EPN2: variants seen among roughly 807,000 people sequenced by gnomAD.
EPN2 encodes epsin-2.
In EPN2, 34 loss-of-function variants were observed where a neutral mutation model predicts 61.7. That is an observed-to-expected ratio of 0.55 (90% confidence interval 0.42 to 0.73). The LOEUF (loss-of-function observed/expected upper bound fraction) is 0.73, where lower values mean the gene tolerates loss of function less well. Among genes scored for constraint, EPN2 ranks in the 30% least tolerant of loss-of-function variants. The pLI is 0.00. For missense variants in EPN2, 714 were observed against 839.2 expected (o/e 0.85, Z 1.84); for synonymous variants, 349 against 353.6 (o/e 0.99, Z 0.15).
At chr17:19,308,684 GCTC>G in intron 4 of EPN2, 1 of 985,382 alleles carries the variant, frequency 1.0e-6, no homozygotes, top group Non-Finnish European at 1.2e-6. Context: ...TAAAGCAGTA[GCTC>G]CAAATCTCTC....
intron 7 of EPN2, among the ~76,000 whole-genome samples, chr17:19,324,625 G>T (rs899775481): frequency 3.9e-5 from 6 of 152,166 alleles, no homozygotes; most frequent in African/African-American, 1.4e-4. Context: ...GAGCCACTGC[G>T]CCTGGCCAAT....
At chr17:19,244,195 T>G (rs934951441) in intron 1 of EPN2, among the ~76,000 whole-genome samples, 1 of 152,198 alleles carries the variant, frequency 6.6e-6, no homozygotes, top group Non-Finnish European at 1.5e-5. Flanking sequence ...GTGCAGTGGC[T>G]CATGCTTGTA....
intron 1 of EPN2, among the ~76,000 whole-genome samples, chr17:19,255,625 G>A (rs2045068901): frequency 7.0e-6 from 1 of 142,054 alleles, no homozygotes; most frequent in African/African-American, 2.6e-5. Context: ...TTGATAGATT[G>A]GATTGATTTT....
At chr17:19,266,853 A>G (rs942416762) in intron 1 of EPN2, among the ~76,000 whole-genome samples, 2 of 151,398 alleles carry the variant, frequency 1.3e-5, no homozygotes, top group African/African-American at 4.8e-5. Context: ...ATAAAAAGTA[A>G]TAGAATACTG....
At chr17:19,326,799 C>T (rs957596871) in intron 7 of EPN2, among the ~76,000 whole-genome samples, 28 of 151,582 alleles carry the variant, frequency 1.8e-4, no homozygotes, top group African/African-American at 6.5e-4. Flanking sequence ...TACCATGCTG[C>T]GAGGAGTGGA....
At chr17:19,252,405 C>T (rs552458014) in intron 1 of EPN2, among the ~76,000 whole-genome samples, 1 of 152,226 alleles carries the variant, frequency 6.6e-6, no homozygotes, top group South Asian at 2.1e-4. Context: ...TGAAACATTT[C>T]ATGATGGAGG....
intron 10 of EPN2, among the ~76,000 whole-genome samples, chr17:19,333,569 G>A (rs940614519): frequency 1.3e-5 from 2 of 152,170 alleles, no homozygotes; most frequent in East Asian, 3.9e-4. Context: ...ACTGCCACAT[G>A]AGCCACACAC....
intron 4 of EPN2, among the ~76,000 whole-genome samples, chr17:19,292,374 G>A (rs1408467335): frequency 6.6e-6 from 1 of 152,252 alleles, no homozygotes; most frequent in Non-Finnish European, 1.5e-5. Flanking sequence ...TTTTGGGGAT[G>A]GACCAGGAAT....
chr17:19,250,969 C>T (rs2045009428), intron 1 of EPN2, among the ~76,000 whole-genome samples: 1 of 152,112 alleles, frequency 6.6e-6, no homozygotes, highest in East Asian at 1.9e-4. Context: ...CTACATTCTG[C>T]AGCATCTCTG....
intron 4 of EPN2, among the ~76,000 whole-genome samples, chr17:19,293,011 C>T (rs2045479677): frequency 6.6e-6 from 1 of 152,204 alleles, no homozygotes; most frequent in Non-Finnish European, 1.5e-5. Context: ...ATACGGTGTA[C>T]ACCTATTACA....
chr17:19,335,407 A>G lies in EPN2; in HGVS notation c.*1153A>G. The G allele has an allele frequency of 6.5e-7, 1 of 1,550,084 alleles. No individual in the cohort carries two copies. Among genetic ancestry groups the G allele is most frequent in the Non-Finnish European group, 8.7e-7 (1 of 1,146,680 alleles). ...CTAATTCCTTTTTTTTATTAAAGGC[A>G]TGCAGGGATTAACAGGACTTCTGTT... is the stretch of plus-strand genomic sequence containing the variant. On this transcript the variant is annotated 3_prime_UTR_variant, in exon 11 of 11. Transcript: ENST00000314728.
At chr17:19,308,354 A>G (rs768012388) in intron 4 of EPN2, 81 of 984,860 alleles carry the variant, frequency 8.2e-5, no homozygotes, top group Non-Finnish European at 9.5e-5. Context: ...GATTACAGGC[A>G]TAAGCCGCCA....
At chr17:19,287,134 G>T (rs1402059002) in intron 4 of EPN2, among the ~76,000 whole-genome samples, 1 of 151,948 alleles carries the variant, frequency 6.6e-6, no homozygotes, top group East Asian at 1.9e-4. Context: ...AGCCTGGCAG[G>T]CCTGCAGGCT....
At chr17:19,270,375 G>T (rs971395019) in intron 1 of EPN2, among the ~76,000 whole-genome samples, 5 of 152,222 alleles carry the variant, frequency 3.3e-5, no homozygotes, top group South Asian at 2.1e-4. Flanking sequence ...TGAACAGGTT[G>T]TGTGTATAGT....
chr17:19,273,800 T>C (rs534944737), intron 1 of EPN2, among the ~76,000 whole-genome samples: 1 of 152,396 alleles, frequency 6.6e-6, no homozygotes, highest in South Asian at 2.1e-4. Context: ...TTTTTTCTTT[T>C]CATTTCTCTA....
In EPN2 at chr17:19,260,952, C is replaced by T. The variant is rs1043313563; in HGVS notation, c.-293-21003C>T. Among the ~76,000 whole-genome samples, 5 of 152,108 alleles carry T rather than the reference C, an allele frequency of 3.3e-5. No homozygotes were observed. In the South Asian group the frequency reaches 1.0e-3, roughly 32 times the overall value. On this transcript the variant is annotated intron_variant, in intron 1 of 10. Coordinates refer to ENST00000314728, the MANE Select transcript of EPN2 (RefSeq NM_014964.5). Reference sequence around the variant, plus strand: ...ATATCAGTGCATGGAGAATGGTTGTCATTCTCTTTCAGCTGTGTTGCACTG... The same window carrying T: ...ATATCAGTGCATGGAGAATGGTTGTTATTCTCTTTCAGCTGTGTTGCACTG...
At chr17:19,330,986 A>G (rs1598027741) in intron 9 of EPN2, among the ~76,000 whole-genome samples, 1 of 151,924 alleles carries the variant, frequency 6.6e-6, no homozygotes, top group Non-Finnish European at 1.5e-5. Flanking sequence ...CACTGGTGTT[A>G]TTGGTGTTTT....
At chr17:19,274,741 C>T (rs2045289550) in intron 1 of EPN2, among the ~76,000 whole-genome samples, 1 of 152,184 alleles carries the variant, frequency 6.6e-6, no homozygotes, top group South Asian at 2.1e-4. Context: ...CTGTGAAAAG[C>T]CTCTGTCTCC....
chr17:19,313,171 G>A lies in EPN2; in HGVS notation c.1039G>A (p.Ala347Thr), dbSNP rs373169143. The change falls in exon 7 of 11, where the codon GCG becomes ACG. Residue 347 changes from alanine to threonine, a missense_variant. Transcript: ENST00000314728. ...GGATGCTCTCCCCAGCTCGGGCCCC[G>A]CGGCCCAGAAAGCAGAGCCCTGGGG... Reference protein sequence around the residue: ...LMDALPSSGPAAQKAEPWGPS... With the variant: ...LMDALPSSGPTAQKAEPWGPS... 2.4e-5 allele frequency: 38 copies of A among 1,613,420 alleles called. No individual in the cohort carries two copies. The highest frequency in any genetic ancestry group is 1.1e-4 in the African/African-American group (8 of 74,878).
Sources: allele counts gnomAD v4.1 joint callset (sites outside exome capture counted in the v4.1 genomes callset), GRCh38; gene constraint gnomAD v4.1.1; transcripts MANE v1.5; gene names NCBI Gene and HGNC (gene_info 2026-07-23, HGNC 2026-07-21).